Variants in PRDM10 observed in about 807,000 individuals in gnomAD.
PRDM10 encodes PR domain zinc finger protein 10.
A neutral mutation model predicts 133.1 loss-of-function variants in PRDM10; 65 were observed. The observed-to-expected ratio is 0.49, with a 90% CI of 0.40 to 0.60. The LOEUF (loss-of-function observed/expected upper bound fraction) is 0.60. Among genes scored for constraint, PRDM10 ranks in the 20% least tolerant of loss-of-function variants. PRDM10 has a pLI of 0.00. For synonymous variants in PRDM10, 582 were observed against 580.4 expected (o/e 1.00, Z -0.04); for missense variants, 1,137 against 1,507.1 (o/e 0.75, Z 4.07).
intron 4 of PRDM10, among the ~76,000 whole-genome samples, chr11:129,950,423 C>G (rs1951553703): frequency 6.6e-6 from 1 of 152,156 alleles, no homozygotes; most frequent in Non-Finnish European, 1.5e-5. Flanking sequence ...CCTGACATTC[C>G]ACTTCTGCAA....
chr11:129,932,291 GC>G (rs1950895912), intron 9 of PRDM10, 60 bp from the exon 10 acceptor site: 2 of 1,582,482 alleles, frequency 1.3e-6, no homozygotes, highest in African/African-American at 2.7e-5. Context: ...ATAACAAGTA[GC>G]GACCTAAATG....
chr11:129,962,251 A>T (rs533132541), intron 1 of PRDM10, among the ~76,000 whole-genome samples: 1 of 152,356 alleles, frequency 6.6e-6, no homozygotes, highest in East Asian at 1.9e-4. Flanking sequence ...TTGGTATTTT[A>T]AAAGTCCACT....
chr11:129,921,583 C>T (rs1250161245), intron 13 of PRDM10, among the ~76,000 whole-genome samples: 1 of 152,188 alleles, frequency 6.6e-6, no homozygotes, highest in Non-Finnish European at 1.5e-5. Flanking sequence ...CAGAGCTGTT[C>T]TCTAGAAAAA....
At chr11:129,917,539 TG>T (rs1382310355) in intron 14 of PRDM10, among the ~76,000 whole-genome samples, 2 of 152,238 alleles carry the variant, frequency 1.3e-5, no homozygotes, top group East Asian at 3.8e-4. Flanking sequence ...AAAATTACAC[TG>T]GTATGAATTT....
chr11:129,937,798 A>C, intron 7 of PRDM10, 128 bp from the exon 8 acceptor site: 1 of 753,864 alleles, frequency 1.3e-6, no homozygotes, highest in South Asian at 2.1e-5. Flanking sequence ...ATGGAAAAAA[A>C]GATCATGCTG....
intron 10 of PRDM10, 102 bp from the exon 11 acceptor site, chr11:129,931,360 C>A: frequency 1.4e-6 from 2 of 1,421,436 alleles, no homozygotes; most frequent in Admixed American, 4.8e-5. Flanking sequence ...TCATAATACT[C>A]AGAAAAAATA....
At chr11:129,957,094 A>C (rs938398730) in intron 3 of PRDM10, among the ~76,000 whole-genome samples, 7 of 152,236 alleles carry the variant, frequency 4.6e-5, no homozygotes, top group African/African-American at 1.4e-4. Context: ...GTGGTAGCTA[A>C]TAAGCTTAGC....
At chr11:129,938,905 C>T (rs1043576745) in intron 7 of PRDM10, among the ~76,000 whole-genome samples, 17 of 152,210 alleles carry the variant, frequency 1.1e-4, no homozygotes, top group Non-Finnish European at 2.4e-4. Flanking sequence ...CTGCTTTCAA[C>T]TGCTCAAACA....
At chr11:129,913,219 C>CAAAAAAA in intron 17 of PRDM10, among the ~76,000 whole-genome samples, 1 of 78,878 alleles carries the variant, frequency 1.3e-5, no homozygotes, top group Non-Finnish European at 2.4e-5. Context: ...ACCCTGTCTC[C>CAAAAAAA]AAAAAAAAAA....
intron 2 of PRDM10, 130 bp from the exon 3 acceptor site, chr11:129,958,040 G>T: frequency 9.4e-7 from 1 of 1,061,036 alleles, no homozygotes; most frequent in Non-Finnish European, 1.3e-6. Context: ...CTACACCGAG[G>T]TGGTGACTAG....
intron 11 of PRDM10, chr11:129,929,309 C>A (rs1185113137): frequency 8.7e-7 from 1 of 1,144,204 alleles, no homozygotes; most frequent in Non-Finnish European, 1.2e-6. Context: ...AGCAACCAAA[C>A]TGTGGTTTCC....
intron 11 of PRDM10, chr11:129,929,479 A>T (rs1205220726): frequency 1.4e-6 from 2 of 1,470,168 alleles, no homozygotes; most frequent in Non-Finnish European, 1.8e-6. Context: ...GGATTGGAAG[A>T]CTTCCCTTCA....
At chr11:129,926,399 G>A (rs1469343514) in intron 11 of PRDM10, among the ~76,000 whole-genome samples, 4 of 152,142 alleles carry the variant, frequency 2.6e-5, no homozygotes, top group African/African-American at 9.7e-5. Context: ...GCTACAAGGG[G>A]GGGAAATCCT....
At chr11:129,946,345 C>T (rs1042543825) in intron 5 of PRDM10, among the ~76,000 whole-genome samples, 2 of 152,110 alleles carry the variant, frequency 1.3e-5, no homozygotes, top group African/African-American at 2.4e-5. Context: ...CTCTGTTGAA[C>T]TGGGATTAGA....
chr11:129,922,755 C>T (rs578131047), intron 13 of PRDM10, among the ~76,000 whole-genome samples: 26 of 152,258 alleles, frequency 1.7e-4, no homozygotes, highest in Middle Eastern at 6.8e-3. Context: ...AGGTGGGTTA[C>T]GGATACTCAT....
At chr11:129,921,526 A>G (rs1032783295) in intron 13 of PRDM10, among the ~76,000 whole-genome samples, 5 of 152,212 alleles carry the variant, frequency 3.3e-5, no homozygotes, top group African/African-American at 4.8e-5. Flanking sequence ...TTCGGGATTT[A>G]TCTGCGTGAA....
chr11:129,931,206 G>A lies in PRDM10; in HGVS notation c.1340C>T (p.Thr447Ile). The A allele has an allele frequency of 6.2e-7, 1 of 1,614,146 alleles. No individual in the cohort carries two copies. Among genetic ancestry groups the A allele is most frequent in the Non-Finnish European group, 8.5e-7 (1 of 1,179,964 alleles). ...TTCTGGTTGATCCAGCCCATTCAGA[G>A]TGGCTGGTTCAGCCTCATCAAATTG... ...KEQFDEAEPA[T>I]LNGLDQPEQT... is the part of the protein sequence containing the mutation. The change falls in exon 11 of 21, where the codon ACT (threonine) becomes ATT (isoleucine). Residue 447 changes from threonine to isoleucine, a missense_variant. Coordinates refer to ENST00000360871, the MANE Select transcript of PRDM10 (RefSeq NM_199437.2).
intron 19 of PRDM10, among the ~76,000 whole-genome samples, chr11:129,906,253 C>G (rs1460719709): frequency 1.3e-5 from 2 of 152,182 alleles, no homozygotes; most frequent in Non-Finnish European, 2.9e-5. Flanking sequence ...GGGAAAATGG[C>G]TGATTCCAGA....
At chr11:129,937,549 T>C (rs1158634884) in intron 8 of PRDM10, 49 bp downstream of exon 8, 1 of 1,549,498 alleles carries the variant, frequency 6.5e-7, no homozygotes, top group East Asian at 2.3e-5. Flanking sequence ...ATGTGATATA[T>C]ACAATTTAGA....
Sources: allele counts gnomAD v4.1 joint callset (sites outside exome capture counted in the v4.1 genomes callset), GRCh38; gene constraint gnomAD v4.1.1; transcripts MANE v1.5; gene names NCBI Gene and HGNC (gene_info 2026-07-23, HGNC 2026-07-21).